The following CTNNBL1 variants were observed in gnomAD, a reference collection of about 807,000 sequenced individuals.
CTNNBL1 encodes catenin beta like 1, also known as beta-catenin-like protein 1.
Under a neutral mutation model 72.7 loss-of-function variants are expected in CTNNBL1, and 31 were observed. The observed-to-expected ratio is 0.43, with a 90% CI of 0.32 to 0.58. The LOEUF (loss-of-function observed/expected upper bound fraction) is 0.58, where lower values mean the gene tolerates loss of function less well. Ranked by LOEUF, CTNNBL1 falls within the 20% of genes least tolerant of loss-of-function variation. The pLI is 0.08. For synonymous variants in CTNNBL1, 240 were observed against 267.3 expected, an observed-to-expected ratio of 0.90 and a Z score of 1.00; for missense variants, 534 against 725.1, an observed-to-expected ratio of 0.74 and a Z score of 3.03.
At chr20:37,717,370 C>T (rs2072995400) in intron 1 of CTNNBL1, among the ~76,000 whole-genome samples, 1 of 152,212 alleles carries the variant, frequency 6.6e-6, no homozygotes, top group Non-Finnish European at 1.5e-5. Context: ...TCGCTGGTTG[C>T]AGAATGCATA....
intron 1 of CTNNBL1, among the ~76,000 whole-genome samples, chr20:37,707,602 T>G (rs1600433974): frequency 6.6e-6 from 1 of 152,236 alleles, no homozygotes; most frequent in African/African-American, 2.4e-5. Context: ...TTTGATCTTC[T>G]GTCCAGAGCA....
chr20:37,720,070 C>G (rs1430072178), intron 1 of CTNNBL1, among the ~76,000 whole-genome samples: 1 of 151,960 alleles, frequency 6.6e-6, no homozygotes, highest in Admixed American at 6.6e-5. Flanking sequence ...CTCTGTTGCC[C>G]AGGCTGGAGT....
chr20:37,764,821 T>A (rs2073451078), intron 5 of CTNNBL1, among the ~76,000 whole-genome samples: 1 of 152,222 alleles, frequency 6.6e-6, no homozygotes, highest in African/African-American at 2.4e-5. Flanking sequence ...ACCGTTGACC[T>A]GACTTAAGAT....
chr20:37,733,451 G>A (rs770354017), intron 2 of CTNNBL1, among the ~76,000 whole-genome samples: 20 of 152,162 alleles, frequency 1.3e-4, no homozygotes, highest in Non-Finnish European at 2.4e-4. Flanking sequence ...CAAAAGTGGA[G>A]AAGTTTAATG....
chr20:37,870,676 C>T (rs796941348), intron 15 of CTNNBL1, among the ~76,000 whole-genome samples: 1 of 152,174 alleles, frequency 6.6e-6, no homozygotes, highest in Non-Finnish European at 1.5e-5. Context: ...GTCCCCCACA[C>T]AGCATTGAGA....
Position 37,849,990 on chromosome 20 carries a change from TTAC to T in CTNNBL1, c.1392+7572_1392+7574del, listed in dbSNP as rs1340191605. On this transcript the variant is annotated intron_variant, in intron 13 of 15. Coordinates refer to ENST00000361383, the MANE Select transcript of CTNNBL1 (RefSeq NM_030877.5). Reference sequence around the variant, plus strand: ...AGTATGCCCTAAGTGGTAGCTATTATTACAAGTATTTTGGGCCTGCATGCTTAT... The same window carrying T: ...AGTATGCCCTAAGTGGTAGCTATTATAAGTATTTTGGGCCTGCATGCTTAT... Among the ~76,000 whole-genome samples, 3 of 152,348 alleles carry T rather than the reference TTAC, an allele frequency of 2.0e-5. No homozygotes were observed. In the South Asian group the frequency reaches 6.2e-4, roughly 32 times the overall value.
At chr20:37,833,825 A>C (rs1404619455) in intron 11 of CTNNBL1, among the ~76,000 whole-genome samples, 2 of 152,150 alleles carry the variant, frequency 1.3e-5, no homozygotes, top group African/African-American at 4.8e-5. Flanking sequence ...TGAAAAATTG[A>C]CACCACCTTG....
rs200306714 is a variant in CTNNBL1, at chr20:37,720,398, A to G, written c.31-12481A>G. ...GGTCTTGAACTCCTAGGCTATTGCA[A>G]TCCTCTTGCTTTGGCCTCCCAGATT... On this transcript the variant is annotated intron_variant, in intron 1 of 15. Transcript: ENST00000361383. 5.5e-4 allele frequency among the ~76,000 whole-genome samples: 83 copies of G among 152,274 alleles called. No individual in the cohort carries two copies. In the East Asian group the frequency reaches 0.012, roughly 22 times the overall value.
intron 10 of CTNNBL1, among the ~76,000 whole-genome samples, chr20:37,802,570 C>T (rs550050610): frequency 6.6e-6 from 1 of 152,252 alleles, no homozygotes; most frequent in South Asian, 2.1e-4. Context: ...AATCTCAACA[C>T]CCCGAAATAA....
chr20:37,750,317 G>C (rs2073307163), intron 4 of CTNNBL1: 1 of 152,202 alleles, frequency 6.6e-6, no homozygotes, highest in African/African-American at 2.4e-5. Context: ...GCATATCTTG[G>C]GGGTGGGGAG....
chr20:37,701,626 G>T (rs2072843774), intron 1 of CTNNBL1, among the ~76,000 whole-genome samples: 1 of 152,172 alleles, frequency 6.6e-6, no homozygotes, highest in Non-Finnish European at 1.5e-5. Flanking sequence ...TTGATGAATG[G>T]GTAGGGATTC....
chr20:37,798,952 T>C (rs2073801223), intron 10 of CTNNBL1, among the ~76,000 whole-genome samples: 1 of 152,186 alleles, frequency 6.6e-6, no homozygotes, highest in Admixed American at 6.5e-5. Context: ...TTCAAGCTTG[T>C]AAGATGCTGA....
At chr20:37,697,928 G>A (rs1179441583) in intron 1 of CTNNBL1, among the ~76,000 whole-genome samples, 3 of 152,154 alleles carry the variant, frequency 2.0e-5, no homozygotes, top group Non-Finnish European at 2.9e-5. Flanking sequence ...ATAAACATTT[G>A]TTTATTGTGT....
intron 15 of CTNNBL1, among the ~76,000 whole-genome samples, chr20:37,869,760 G>C (rs2072567271): frequency 6.6e-6 from 1 of 152,012 alleles, no homozygotes; most frequent in Admixed American, 6.5e-5. Context: ...GAGGCTGAGG[G>C]AGGGAACTAA....
intron 13 of CTNNBL1, among the ~76,000 whole-genome samples, chr20:37,854,413 C>A (rs185301349): frequency 1.8e-3 from 278 of 152,072 alleles, no homozygotes; most frequent in Non-Finnish European, 2.7e-3. Context: ...GAAATCTATA[C>A]CCACACAAAC....
At chr20:37,858,234 C>A (rs1197583265) in intron 13 of CTNNBL1, among the ~76,000 whole-genome samples, 1 of 152,110 alleles carries the variant, frequency 6.6e-6, no homozygotes, top group Non-Finnish European at 1.5e-5. Context: ...CTTTTTTCCT[C>A]TCATTGTCTC....
intron 1 of CTNNBL1, among the ~76,000 whole-genome samples, chr20:37,731,622 C>A (rs1159258781): frequency 6.6e-6 from 1 of 152,182 alleles, no homozygotes; most frequent in African/African-American, 2.4e-5. Flanking sequence ...CTCTCTACTT[C>A]TATGAGTTCA....
At chr20:37,810,563 A>G (rs77493133) in intron 11 of CTNNBL1, among the ~76,000 whole-genome samples, 2,174 of 152,304 alleles carry the variant, frequency 0.014, 21 homozygotes, top group Non-Finnish European at 0.023. Context: ...ATGTTGGTTT[A>G]GATCATTTTA....
At chr20:37,829,385 T>A (rs1438754302) in intron 11 of CTNNBL1, among the ~76,000 whole-genome samples, 5 of 152,168 alleles carry the variant, frequency 3.3e-5, no homozygotes, top group Non-Finnish European at 7.4e-5. Flanking sequence ...GTGTCTTTCT[T>A]AACCATTTGA....
Sources: gnomAD v4.1 joint callset for allele counts (sites outside exome capture counted in the v4.1 genomes callset) on GRCh38, gnomAD v4.1.1 for gene constraint, MANE v1.5 for transcripts, NCBI Gene and HGNC (gene_info 2026-07-23, HGNC 2026-07-21) for gene names.